MYO1B: variants seen among roughly 807,000 people sequenced by gnomAD.
MYO1B encodes the protein myosin IB.
MYO1B carries 72 observed loss-of-function variants against 159.7 expected under a neutral mutation model. The ratio of observed to expected loss-of-function variants is 0.45; its 90% CI spans 0.37 to 0.55. The LOEUF (loss-of-function observed/expected upper bound fraction) is 0.55. Among genes scored for constraint, MYO1B ranks in the 20% least tolerant of loss-of-function variants. The pLI, the probability that MYO1B is intolerant of heterozygous loss-of-function variation, is 0.00. For synonymous variants in MYO1B, 468 were observed against 473.8 expected, an observed-to-expected ratio of 0.99 and a Z score of 0.16; for missense variants, 1,062 against 1,364.8, an observed-to-expected ratio of 0.78 and a Z score of 3.50.
In MYO1B at chr2:191,408,120, T is replaced by C; in HGVS notation, c.2562T>C (p.Arg854=). The change falls in exon 25 of 31, where the codon CGT becomes CGC. Residue 854 remains arginine, a synonymous_variant. Transcript: ENST00000392318. ...IWAYWLGLKV[R]REYRKFFRAN... ...CCTACATCTTCTTTTTAAAGGTACGTAGAGAATACAGGAAATTCTTCAGAG... is the reference window on the plus strand; with the variant it reads ...CCTACATCTTCTTTTTAAAGGTACGCAGAGAATACAGGAAATTCTTCAGAG... 1 of 1,611,230 alleles carries C rather than the reference T, an allele frequency of 6.2e-7. No individual in the cohort carries two copies. The highest frequency in any genetic ancestry group is 1.3e-5 in the African/African-American group (1 of 74,984).
At chr2:191,256,609 T>C (rs1686466190) in intron 1 of MYO1B, among the ~76,000 whole-genome samples, 1 of 152,228 alleles carries the variant, frequency 6.6e-6, no homozygotes, top group Non-Finnish European at 1.5e-5. Context: ...GTTAAGTGAT[T>C]GTGTTACGAT....
intron 1 of MYO1B, among the ~76,000 whole-genome samples, chr2:191,248,942 A>T (rs955559899): frequency 6.6e-6 from 1 of 152,240 alleles, no homozygotes; most frequent in African/African-American, 2.4e-5. Flanking sequence ...TTAGGACATT[A>T]CAACTCTTAG....
chr2:191,348,090 C>T (rs1273961450), intron 6 of MYO1B, among the ~76,000 whole-genome samples: 1 of 152,174 alleles, frequency 6.6e-6, no homozygotes, highest in Non-Finnish European at 1.5e-5. Context: ...GGACTAGTGA[C>T]ATGATCAGAA....
intron 1 of MYO1B, among the ~76,000 whole-genome samples, chr2:191,255,366 A>T (rs959125696): frequency 2.0e-5 from 3 of 152,220 alleles, no homozygotes; most frequent in African/African-American, 7.2e-5. Flanking sequence ...GGAAAAGGAC[A>T]GGGGGCTGTG....
At position 191,374,976 on chromosome 2, in the gene MYO1B, A is replaced by G. The variant is rs186813717; in HGVS notation, c.1185+4684A>G. On this transcript the variant is annotated intron_variant, in intron 13 of 30. Coordinates refer to ENST00000392318, the MANE Select transcript of MYO1B (RefSeq NM_001130158.3). ...CTACATTGATTTCAGCTCGTTTTCT[A>G]CATACTTATCTGACAGGCATTAAAA... Among the ~76,000 whole-genome samples, 77 of 152,360 alleles carry G rather than the reference A, an allele frequency of 5.1e-4. No homozygotes were observed. In the East Asian group the frequency reaches 0.014, roughly 28 times the overall value.
At chr2:191,401,315 TATTG>T (rs1179744382) in intron 23 of MYO1B, among the ~76,000 whole-genome samples, 1 of 152,222 alleles carries the variant, frequency 6.6e-6, no homozygotes, top group Non-Finnish European at 1.5e-5. Flanking sequence ...GTGTGGCAGC[TATTG>T]ATTATTATAA....
At chr2:191,371,183 C>G (rs1694342929) in intron 13 of MYO1B, 1 of 152,142 alleles carries the variant, frequency 6.6e-6, no homozygotes, top group Non-Finnish European at 1.5e-5. Context: ...CTCCTCCTTT[C>G]TTAATTCTCC....
chr2:191,369,657 T>C, intron 12 of MYO1B, 29 bp downstream of exon 12: 1 of 1,521,654 alleles, frequency 6.6e-7, no homozygotes, highest in Non-Finnish European at 9.1e-7. Flanking sequence ...CAAAATCAGT[T>C]GTAATAAATG....
rs549399507 is a variant in MYO1B, at chr2:191,301,713, T to C, written c.251+5487T>C. On this transcript the variant is annotated intron_variant, in intron 3 of 30. Transcript: ENST00000392318. ...CACTTCTACTCCCAAACATCTTGGT[T>C]AAGCGATACTCAGTCGATACTTAAT... 2.6e-3 allele frequency among the ~76,000 whole-genome samples: 401 copies of C among 152,366 alleles called. 1 individual carries two copies. Among genetic ancestry groups the C allele is most frequent in the Non-Finnish European group, 4.6e-3 (312 of 68,026 alleles).
intron 3 of MYO1B, among the ~76,000 whole-genome samples, chr2:191,318,606 G>A (rs925303645): frequency 6.6e-6 from 1 of 152,114 alleles, no homozygotes; most frequent in Non-Finnish European, 1.5e-5. Flanking sequence ...ATAACTTTAA[G>A]CCCCTGCAGA....
At chr2:191,306,917 C>T (rs901569931) in intron 3 of MYO1B, among the ~76,000 whole-genome samples, 6 of 152,142 alleles carry the variant, frequency 3.9e-5, no homozygotes, top group Admixed American at 3.9e-4. Flanking sequence ...TCCCCCAGCA[C>T]CAACCAGTTA....
intron 21 of MYO1B, among the ~76,000 whole-genome samples, chr2:191,396,728 G>C (rs180963450): frequency 1.5e-3 from 224 of 152,264 alleles, no homozygotes; most frequent in Non-Finnish European, 2.8e-3. Flanking sequence ...CTCTAAGCAG[G>C]AAGTCCTTGA....
At chr2:191,420,531 C>T (rs562973550) in intron 30 of MYO1B, among the ~76,000 whole-genome samples, 23 of 152,322 alleles carry the variant, frequency 1.5e-4, no homozygotes, top group Non-Finnish European at 3.2e-4. Context: ...ACCTACAGTA[C>T]AATAACACGC....
chr2:191,414,099 G>A lies in MYO1B; in HGVS notation c.2925G>A (p.Lys975=), dbSNP rs1697415486. The change falls in exon 28 of 31, where the codon AAG becomes AAA. Residue 975 remains lysine, a synonymous_variant. Transcript: ENST00000392318. ...ACCTGGAAATCAACAAGAACCCCAA[G>A]TATAAGAAACTCAAAGATGCCATTG... ...GAYLEINKNP[K]YKKLKDAIEE... is the part of the protein sequence containing the mutation. The A allele has an allele frequency of 6.2e-7, 1 of 1,613,278 alleles. No individual in the cohort carries two copies. The highest frequency in any genetic ancestry group is 8.5e-7 in the Non-Finnish European group (1 of 1,179,642).
At chr2:191,261,701 A>T (rs1257916055) in intron 1 of MYO1B, among the ~76,000 whole-genome samples, 1 of 152,142 alleles carries the variant, frequency 6.6e-6, no homozygotes, top group Non-Finnish European at 1.5e-5. Context: ...TGTAAAGGGT[A>T]ATGAGGTCTA....
Position 191,400,450 on chromosome 2 carries a change from A to T in MYO1B, c.2364A>T (p.Ala788=). 1 of 1,614,162 alleles carries T rather than the reference A, an allele frequency of 6.2e-7. No homozygotes were observed. The highest frequency in any genetic ancestry group is 2.2e-5 in the East Asian group (1 of 44,882). ...RCKEAVTTIA[A]YWHGTQARRE... ...AGGAAGCAGTCACGACCATTGCTGC[A>T]TATTGGCATGGGACCCAGGTAGGCC... Residue 788 remains alanine (A), a synonymous_variant, in exon 22 of 31, where the codon GCA becomes GCT. Transcript: ENST00000392318.
intron 27 of MYO1B, among the ~76,000 whole-genome samples, chr2:191,412,207 AGC>A (rs1172899426): frequency 6.6e-6 from 1 of 152,234 alleles, no homozygotes; most frequent in East Asian, 1.9e-4. Context: ...TGTTATATAA[AGC>A]ATATTCAAAC....
intron 30 of MYO1B, among the ~76,000 whole-genome samples, chr2:191,421,145 C>T (rs1198343463): frequency 6.6e-6 from 1 of 150,502 alleles, no homozygotes; most frequent in Admixed American, 6.6e-5. Flanking sequence ...TCTCGGCTCA[C>T]TGCAACCTCT....
chr2:191,330,099 G>GT, intron 4 of MYO1B, 70 bp downstream of exon 4: 1 of 1,343,466 alleles, frequency 7.4e-7, no homozygotes, highest in African/African-American at 1.5e-5. Flanking sequence ...AAGAGGACCA[G>GT]TAGGGCCTCC....
Sources: allele counts gnomAD v4.1 joint callset (sites outside exome capture counted in the v4.1 genomes callset), GRCh38; gene constraint gnomAD v4.1.1; transcripts MANE v1.5; gene names NCBI Gene and HGNC (gene_info 2026-07-23, HGNC 2026-07-21).